Variants in PIK3R6 observed in about 807,000 individuals in gnomAD.
PIK3R6 encodes phosphoinositide 3-kinase regulatory subunit 6.
In PIK3R6, 91 loss-of-function variants were observed where a neutral mutation model predicts 84.9. The ratio of observed to expected loss-of-function variants is 1.07; its 90% confidence interval spans 0.90 to 1.28. The LOEUF is 1.28. PIK3R6 is among the 50% of genes most tolerant of loss of function. The probability of loss-of-function intolerance (pLI) is 0.00; values close to 1 mark genes in which losing one functional copy is unlikely to be tolerated. For synonymous variants in PIK3R6, 416 were observed against 411.4 expected, an observed-to-expected ratio of 1.01 and a Z score of -0.13; for missense variants, 996 against 985.1, an observed-to-expected ratio of 1.01 and a Z score of -0.15.
rs761267097 is a variant in PIK3R6 at position 8,844,476 on chromosome 17, T to C, written c.14-4779A>G. 4.6e-5 allele frequency among the ~76,000 whole-genome samples: 7 copies of C among 152,168 alleles called. No individual in the cohort carries two copies. The highest frequency in any genetic ancestry group is 8.8e-5 in the Non-Finnish European group (6 of 68,034). ...CTCAAGTGGCTCAGCATTGTTCACA[T>C]ATGGTATGCAGGTCTAACATCCTTG... On this transcript the variant is annotated intron_variant, in intron 2 of 19. Transcript: ENST00000619866. The surrounding 1 kb of genome is among the most constrained non-coding windows in gnomAD (Gnocchi z 4.5).
Position 8,853,105 on chromosome 17 carries a change from T to C in PIK3R6, c.-91-3220A>G, listed in dbSNP as rs185804369. 6.7e-3 allele frequency among the ~76,000 whole-genome samples: 1,023 copies of C among 152,136 alleles called. 10 individuals carry two copies. Among genetic ancestry groups the C allele is most frequent in the African/African-American group, 0.023 (948 of 41,504 alleles). ...AATTAATCTGTGCAACAAAATACTATGCAGTTATAAAATTATGGTGTACAT... is the reference window on the plus strand; with the variant it reads ...AATTAATCTGTGCAACAAAATACTACGCAGTTATAAAATTATGGTGTACAT... On this transcript the variant is annotated intron_variant, in intron 1 of 19. Coordinates refer to ENST00000619866, the MANE Select transcript of PIK3R6 (RefSeq NM_001010855.4).
chr17:8,853,102 C>T (rs1253291280), intron 1 of PIK3R6, among the ~76,000 whole-genome samples: 2 of 151,912 alleles, frequency 1.3e-5, no homozygotes, highest in Non-Finnish European at 2.9e-5. Context: ...CAACAAAATA[C>T]TATGCAGTTA....
At chr17:8,829,905 C>A in intron 9 of PIK3R6, 113 bp from the exon 10 acceptor site, 1 of 760,386 alleles carries the variant, frequency 1.3e-6, no homozygotes, top group Non-Finnish European at 2.1e-6. Context: ...CAGGGACTCT[C>A]TCCTTCACAT....
Position 8,803,119 on chromosome 17 carries a change from CAGGGT to C in PIK3R6, c.*149_*153del. On this transcript the variant is annotated 3_prime_UTR_variant, in exon 20 of 20. Transcript: ENST00000619866. The surrounding 1 kb of genome is among the most constrained non-coding windows in gnomAD (Gnocchi z 5.0). Reference sequence around the variant, plus strand: ...GTGGGCCCTTCCTCATCACAGTCCCCAGGGTAGGCTCCCTGTGCTCCCAGGCACTC... The same window carrying C: ...GTGGGCCCTTCCTCATCACAGTCCCCAGGCTCCCTGTGCTCCCAGGCACTC... The C allele has an allele frequency of 1.1e-6, 1 of 932,198 alleles. No individual in the cohort carries two copies. Among genetic ancestry groups the C allele is most frequent in the Admixed American group, 2.7e-5 (1 of 37,036 alleles). The allele number at this position is 932,198 out of a possible 1,614,324, so 57.7% of individuals were successfully genotyped here. A position where few individuals can be genotyped will look rare whatever the true frequency, so the allele number is the denominator to read the frequency against.
rs376697464 is a variant in PIK3R6 at position 8,822,631 on chromosome 17, C to T, written c.1744G>A (p.Val582Met). ...KDGFSPRRRG[V>M]AEGPGAELSL... The stretch of plus-strand genomic sequence containing the variant: ...AGCTCTGCCCCTGGGCCCTCAGCCA[C>T]GCCTCTCCTCCTGGGTGAAAAGCCA... Residue 582 changes from valine (V) to methionine (M), a missense_variant, in exon 16 of 20, where the codon GTG (valine) becomes ATG (methionine). Coordinates refer to ENST00000619866, the MANE Select transcript of PIK3R6 (RefSeq NM_001010855.4). 4.8e-5 allele frequency: 77 copies of T among 1,613,922 alleles called. No homozygotes were observed. Among genetic ancestry groups the T allele is most frequent in the Non-Finnish European group, 5.5e-5 (65 of 1,179,896 alleles).
chr17:8,814,931 GA>G (rs200336480), intron 18 of PIK3R6, among the ~76,000 whole-genome samples: 3 of 151,300 alleles, frequency 2.0e-5, no homozygotes. Flanking sequence ...AGAGAGAAAA[GA>G]AAAAAAAGTC....
Position 8,862,154 on chromosome 17 carries a change from C to A in PIK3R6, c.-92+5375G>T, listed in dbSNP as rs1227343041. Among the ~76,000 whole-genome samples the A allele has an allele frequency of 6.6e-6, 1 of 152,000 alleles. No homozygotes were observed. Among genetic ancestry groups the A allele is most frequent in the East Asian group, 1.9e-4 (1 of 5,184 alleles). The stretch of plus-strand genomic sequence containing the variant: ...TCCCCTGGGGGTCTTGGAGTGTGTC[C>A]CCTGCAGGTAAGGGGACTACGCTAT... On this transcript the variant is annotated intron_variant, in intron 1 of 19. Coordinates refer to ENST00000619866, the MANE Select transcript of PIK3R6 (RefSeq NM_001010855.4). The surrounding 1 kb of genome is among the most constrained non-coding windows in gnomAD (Gnocchi z 4.3).
At chr17:8,853,499 AT>A (rs1234382885) in intron 1 of PIK3R6, among the ~76,000 whole-genome samples, 7,969 of 134,644 alleles carry the variant, frequency 0.059, 317 homozygotes, top group African/African-American at 0.072. Context: ...AAAAAAAAAA[AT>A]AATAATAATA....
At chr17:8,827,463 C>T (rs567165270) in intron 12 of PIK3R6, among the ~76,000 whole-genome samples, 169 bp from the exon 13 acceptor site, 1 of 152,270 alleles carries the variant, frequency 6.6e-6, no homozygotes, top group Admixed American at 6.5e-5. Flanking sequence ...TCAGATGAAG[C>T]TAGAATATCT....
Position 8,822,599 on chromosome 17 carries a change from T to A in PIK3R6, c.1776A>T (p.Leu592=), listed in dbSNP as rs763009487. 1.2e-6 allele frequency: 2 copies of A among 1,613,908 alleles called. No individual in the cohort carries two copies. Among genetic ancestry groups the A allele is most frequent in the Non-Finnish European group, 1.7e-6 (2 of 1,179,830 alleles). The change falls in exon 16 of 20, where the codon CTA becomes CTT. Residue 592 remains leucine, a synonymous_variant. Coordinates refer to ENST00000619866, the MANE Select transcript of PIK3R6 (RefSeq NM_001010855.4). The stretch of plus-strand genomic sequence containing the variant: ...CATGCACACTGACCTTCTGGTAGCA[T>A]AGGGAGAGCTCTGCCCCTGGGCCCT... ...VAEGPGAELS[L]CYQKALLSHR...
At chr17:8,863,772 A>G (rs1440293300) in intron 1 of PIK3R6, among the ~76,000 whole-genome samples, 1 of 152,136 alleles carries the variant, frequency 6.6e-6, no homozygotes, top group Non-Finnish European at 1.5e-5. Flanking sequence ...TGACCTCGTG[A>G]TCCACCCGCC....
At chr17:8,816,216 A>T (rs1003148639) in intron 18 of PIK3R6, among the ~76,000 whole-genome samples, 2 of 152,258 alleles carry the variant, frequency 1.3e-5, no homozygotes, top group Non-Finnish European at 2.9e-5. Flanking sequence ...GTGAAGAAAT[A>T]AAAGAAAGAA....
At position 8,822,994 on chromosome 17, in the gene PIK3R6, A is replaced by G. The variant is rs750639630; in HGVS notation, c.1717+2T>C. ...TTTGGCAAAAGGGAGGCAGATGCTT[A>G]CCTTTGGGGAATTTAGAATCTTGGA... On this transcript the variant is annotated splice_donor_variant, in intron 15 of 19. Coordinates refer to ENST00000619866, the MANE Select transcript of PIK3R6 (RefSeq NM_001010855.4). LOFTEE classifies it high-confidence loss of function. The G allele has an allele frequency of 8.8e-6, 14 of 1,593,316 alleles. No individual in the cohort carries two copies. In the Admixed American group the frequency reaches 2.2e-4, roughly 25 times the overall value.
At chr17:8,810,227 CCTT>C (rs1432615053) in intron 18 of PIK3R6, among the ~76,000 whole-genome samples, 1 of 147,796 alleles carries the variant, frequency 6.8e-6, no homozygotes, top group Non-Finnish European at 1.5e-5. Context: ...CAGGGAAACT[CCTT>C]CTTATATCAC....
intron 17 of PIK3R6, among the ~76,000 whole-genome samples, chr17:8,819,530 G>A (rs553021177): frequency 6.6e-6 from 1 of 151,918 alleles, no homozygotes; most frequent in South Asian, 2.1e-4. Flanking sequence ...ACTTCCTGCA[G>A]CTCTTGGGCA....
chr17:8,806,514 G>T (rs1044707595), intron 18 of PIK3R6, among the ~76,000 whole-genome samples: 3 of 152,120 alleles, frequency 2.0e-5, no homozygotes, highest in African/African-American at 7.2e-5. Context: ...CTACCTGCTT[G>T]GCTTTGGCCC....
At chr17:8,830,482 G>A (rs2088196720) in intron 9 of PIK3R6, among the ~76,000 whole-genome samples, 1 of 152,148 alleles carries the variant, frequency 6.6e-6, no homozygotes, top group Non-Finnish European at 1.5e-5. Flanking sequence ...CTATATTGCT[G>A]TGGCTCCCCA....
rs143498671 is a variant in PIK3R6, at chr17:8,845,701, C to G, written c.13+4081G>C. 1.3e-3 allele frequency among the ~76,000 whole-genome samples: 203 copies of G among 152,224 alleles called. 1 individual carries two copies. The East Asian group carries it at 0.029, about 22-fold the overall frequency. On this transcript the variant is annotated intron_variant, in intron 2 of 19. Coordinates refer to ENST00000619866, the MANE Select transcript of PIK3R6 (RefSeq NM_001010855.4). ...GTGGCTCATGCCTGTAATCCCAGCA[C>G]TTTGGGAGGCAGAGGGGGGCAGATC...
At chr17:8,835,223 T>A in intron 8 of PIK3R6, 50 bp downstream of exon 8, 1 of 1,420,084 alleles carries the variant, frequency 7.0e-7, no homozygotes, top group East Asian at 2.4e-5. Flanking sequence ...GGTATGGGCA[T>A]GCAGGGACGA....
Sources: allele counts gnomAD v4.1 joint callset (sites outside exome capture counted in the v4.1 genomes callset), GRCh38; gene constraint gnomAD v4.1.1; non-coding constraint Gnocchi (gnomAD v3.1); transcripts MANE v1.5; gene names NCBI Gene and HGNC (gene_info 2026-07-23, HGNC 2026-07-21).